Variants in PARM1 observed in about 807,000 individuals in gnomAD.
PARM1 encodes WSC4, cell wall integrity and stress response component 4 homolog.
A neutral mutation model predicts 24.6 loss-of-function variants in PARM1; 14 were observed. The ratio of observed to expected loss-of-function variants is 0.57; its 90% confidence interval spans 0.38 to 0.89. The LOEUF (loss-of-function observed/expected upper bound fraction) is 0.89. PARM1 is among the 40% of genes least tolerant of loss of function. The pLI is 0.00. For missense variants in PARM1, 362 were observed against 380.4 expected, an observed-to-expected ratio of 0.95 and a Z score of 0.40; for synonymous variants, 179 against 156.6, an observed-to-expected ratio of 1.14 and a Z score of -1.07.
chr4:74,962,696 G>A (rs770606169), intron 1 of PARM1, among the ~76,000 whole-genome samples: 6 of 152,160 alleles, frequency 3.9e-5, no homozygotes, highest in Non-Finnish European at 5.9e-5. Flanking sequence ...TTTATTTGAG[G>A]CACCTAAAGT....
chr4:74,992,065 TA>T (rs1722488711), intron 1 of PARM1, among the ~76,000 whole-genome samples: 1 of 152,064 alleles, frequency 6.6e-6, no homozygotes, highest in Non-Finnish European at 1.5e-5. Context: ...AACAGCCAAA[TA>T]AAGAGATGAA....
chr4:75,041,933 T>G (rs1407022449), intron 3 of PARM1, among the ~76,000 whole-genome samples: 1 of 152,244 alleles, frequency 6.6e-6, no homozygotes, highest in Non-Finnish European at 1.5e-5. Flanking sequence ...TAACGGGCTG[T>G]GAGCACTGTG....
At chr4:74,991,186 A>C (rs1254505272) in intron 1 of PARM1, among the ~76,000 whole-genome samples, 1 of 152,206 alleles carries the variant, frequency 6.6e-6, no homozygotes, top group African/African-American at 2.4e-5. Flanking sequence ...TATTAAAGCA[A>C]ATGGGAAATA....
chr4:74,963,020 A>G (rs139056661), intron 1 of PARM1, among the ~76,000 whole-genome samples: 88 of 152,276 alleles, frequency 5.8e-4, no homozygotes, highest in African/African-American at 2.0e-3. Flanking sequence ...ACAAGATCTG[A>G]TGGTTTTATA....
At chr4:74,951,231 C>G (rs1265536076) in intron 1 of PARM1, among the ~76,000 whole-genome samples, 1 of 152,220 alleles carries the variant, frequency 6.6e-6, no homozygotes, top group Non-Finnish European at 1.5e-5. Context: ...TTTCACTTCT[C>G]CTCTGCCAGG....
At chr4:74,970,012 G>A (rs1372483693) in intron 1 of PARM1, 3 of 152,192 alleles carry the variant, frequency 2.0e-5, no homozygotes, top group African/African-American at 4.8e-5. Context: ...AAAAATCACA[G>A]CGGTTCACAG....
chr4:75,025,701 C>T lies in PARM1; in HGVS notation c.770-8182C>T, dbSNP rs73828412. On this transcript the variant is annotated intron_variant, in intron 2 of 3. Transcript: ENST00000307428. ...AGAGGAAACAAGCACTGGGCTTGCG[C>T]AAGTGCAAGTATTTTATTATCTCAA... Among the ~76,000 whole-genome samples, 764 of 152,260 alleles carry T rather than the reference C, an allele frequency of 5.0e-3. 10 individuals carry two copies. Among genetic ancestry groups the T allele is most frequent in the African/African-American group, 0.018 (734 of 41,548 alleles).
chr4:74,961,229 C>A (rs1469233793), intron 1 of PARM1, among the ~76,000 whole-genome samples: 3 of 151,912 alleles, frequency 2.0e-5, no homozygotes, highest in Non-Finnish European at 4.4e-5. Flanking sequence ...AACTTGAAGA[C>A]AGGACAATGG....
chr4:74,975,161 G>A (rs1418910967), intron 1 of PARM1, among the ~76,000 whole-genome samples: 16 of 152,180 alleles, frequency 1.1e-4, no homozygotes, highest in Admixed American at 1.0e-3. Flanking sequence ...TTGGCATCCA[G>A]TTTTCGAAAG....
intron 1 of PARM1, chr4:74,956,476 A>G (rs986631957): frequency 2.0e-5 from 3 of 152,220 alleles, no homozygotes; most frequent in Non-Finnish European, 4.4e-5. Flanking sequence ...ATCTTTCTCC[A>G]TAGCAAGCAA....
chr4:75,014,274 A>G (rs1722935259), intron 2 of PARM1, among the ~76,000 whole-genome samples: 1 of 152,224 alleles, frequency 6.6e-6, no homozygotes, highest in African/African-American at 2.4e-5. Flanking sequence ...AAGAGCTCAC[A>G]ATTTAGTAAG....
At chr4:75,031,515 T>A (rs1723278143) in intron 2 of PARM1, among the ~76,000 whole-genome samples, 1 of 151,202 alleles carries the variant, frequency 6.6e-6, no homozygotes, top group Admixed American at 6.6e-5. Flanking sequence ...GTGGTCACTC[T>A]ATCACTTACA....
intron 3 of PARM1, among the ~76,000 whole-genome samples, chr4:75,035,004 C>T (rs771647666): frequency 6.6e-6 from 1 of 152,168 alleles, no homozygotes; most frequent in Non-Finnish European, 1.5e-5. Flanking sequence ...CTCCAGCTCC[C>T]TCCAATTCTT....
At chr4:75,006,653 T>TA (rs754812186) in intron 1 of PARM1, among the ~76,000 whole-genome samples, 7 of 152,222 alleles carry the variant, frequency 4.6e-5, no homozygotes, top group Non-Finnish European at 8.8e-5. Context: ...TTTGGGTACA[T>TA]ACCCAGTAAT....
chr4:74,982,818 G>A (rs761306105), intron 1 of PARM1, among the ~76,000 whole-genome samples: 17 of 152,176 alleles, frequency 1.1e-4, no homozygotes, highest in Non-Finnish European at 2.1e-4. Flanking sequence ...TCCATGACAC[G>A]TACAGTTTAG....
rs1219244051 is a variant in PARM1 at position 75,033,931 on chromosome 4, T to C, written c.818T>C (p.Val273Ala). 6.2e-7 allele frequency: 1 copy of C among 1,603,736 alleles called. No individual in the cohort carries two copies. Residue 273 changes from valine (V) to alanine (A), a missense_variant, in exon 3 of 4, where the codon GTG becomes GCG. Coordinates refer to ENST00000307428, the MANE Select transcript of PARM1 (RefSeq NM_015393.4). The stretch of plus-strand genomic sequence containing the variant: ...ACAGTCATTGCCGTGGTGCTGCTGG[T>C]GTTTGGAGTTGCAGCCTACCTAAAA... Reference protein sequence around the residue: ...TVTVIAVVLLVFGVAAYLKIR... With the variant: ...TVTVIAVVLLAFGVAAYLKIR...
intron 3 of PARM1, among the ~76,000 whole-genome samples, chr4:75,034,522 T>C (rs1321787072): frequency 1.3e-5 from 2 of 152,216 alleles, no homozygotes; most frequent in African/African-American, 4.8e-5. Context: ...TCTTTTCTCC[T>C]ATGAAATGAA....
intron 1 of PARM1, among the ~76,000 whole-genome samples, chr4:74,986,673 C>A (rs770324712): frequency 1.3e-5 from 2 of 152,124 alleles, no homozygotes; most frequent in Non-Finnish European, 2.9e-5. Flanking sequence ...GGGGTCGGGG[C>A]TGTTGCAGGG....
intron 1 of PARM1, among the ~76,000 whole-genome samples, chr4:74,954,292 A>C (rs1158165965): frequency 1.3e-5 from 2 of 152,182 alleles, no homozygotes; most frequent in Admixed American, 1.3e-4. Flanking sequence ...CTGGAGAAGC[A>C]AGGTTCATTG....
Sources: allele counts gnomAD v4.1 joint callset (sites outside exome capture counted in the v4.1 genomes callset), GRCh38; gene constraint gnomAD v4.1.1; transcripts MANE v1.5; gene names NCBI Gene and HGNC (gene_info 2026-07-23, HGNC 2026-07-21).